The following NFATC2IP variants were observed in gnomAD, a reference collection of about 807,000 sequenced individuals.
The protein encoded by NFATC2IP is nuclear factor of activated T cells 2 interacting protein.
NFATC2IP carries 25 observed loss-of-function variants against 40.2 expected under a neutral mutation model. That is an observed-to-expected ratio of 0.62 (90% CI 0.45 to 0.87). NFATC2IP has a LOEUF of 0.87. NFATC2IP is among the 40% of genes least tolerant of loss of function. NFATC2IP has a pLI of 0.00. For synonymous variants in NFATC2IP, 241 were observed against 236.3 expected, an observed-to-expected ratio of 1.02 and a Z score of -0.18; for missense variants, 553 against 555.6, an observed-to-expected ratio of 1.00 and a Z score of 0.05.
intron 2 of NFATC2IP, among the ~76,000 whole-genome samples, chr16:28,954,230 T>A (rs553935294): frequency 2.6e-5 from 4 of 152,342 alleles, no homozygotes; most frequent in Admixed American, 2.6e-4. Context: ...TTTCTTATCA[T>A]TTTTTAATTT....
At position 28,951,375 on chromosome 16, in the gene NFATC2IP, C is replaced by T; in HGVS notation, c.364C>T (p.Leu122=). The T allele has an allele frequency of 7.1e-7, 1 of 1,403,858 alleles. No homozygotes were observed. The highest frequency in any genetic ancestry group is 1.5e-5 in the African/African-American group (1 of 65,552). 87.0% of individuals were successfully genotyped at this position (1,403,858 alleles called of 1,614,324 possible). ...RLVLDPGEAP[L]VPVYSGKVKS... is the part of the protein sequence containing the mutation. ...GGTGCTGGATCCGGGGGAGGCGCCG[C>T]TGGTTCCGGTGTACTCGGGGAAGGT... The change falls in exon 1 of 8, where the codon CTG becomes TTG. Residue 122 remains leucine, a synonymous_variant. Transcript: ENST00000320805.
At chr16:28,961,598 A>T (rs1261103274) in intron 7 of NFATC2IP, among the ~76,000 whole-genome samples, 1 of 151,866 alleles carries the variant, frequency 6.6e-6, no homozygotes, top group African/African-American at 2.4e-5. Flanking sequence ...TTTTCTTTTG[A>T]AAAAAACAAA....
Position 28,951,391 on chromosome 16 carries a change from C to T in NFATC2IP, c.380C>T (p.Ser127Leu), listed in dbSNP as rs1011738645. The change falls in exon 1 of 8, where the codon TCG (serine) becomes TTG (leucine). Residue 127 changes from serine (S) to leucine (L), a missense_variant. Transcript: ENST00000320805. ...GAGGCGCCGCTGGTTCCGGTGTACT[C>T]GGGGAAGGTGCGCCCGGTCCCGGGG... ...PGEAPLVPVY[S>L]GKVKSSLRLI... is the part of the protein sequence containing the mutation. The T allele has an allele frequency of 2.2e-6, 3 of 1,392,794 alleles. No homozygotes were observed. The highest frequency in any genetic ancestry group is 2.6e-4 in the Middle Eastern group (1 of 3,852). The allele number at this position is 1,392,794 out of a possible 1,614,324, so 86.3% of individuals were successfully genotyped here.
chr16:28,956,416 G>T, intron 5 of NFATC2IP, 79 bp downstream of exon 5: 1 of 1,073,762 alleles, frequency 9.3e-7, no homozygotes. Context: ...GGGTGTCCTG[G>T]CAGAAGGGAC....
chr16:28,959,172 A>G (rs1022799286), intron 7 of NFATC2IP, 72 bp downstream of exon 7: 2 of 920,148 alleles, frequency 2.2e-6, no homozygotes, highest in East Asian at 5.0e-5. Flanking sequence ...TTGTCAGTTA[A>G]TGGAGGATGG....
chr16:28,959,241 A>C (rs1965056640), intron 7 of NFATC2IP, 141 bp downstream of exon 7: 3 of 606,502 alleles, frequency 4.9e-6, no homozygotes, highest in Non-Finnish European at 9.0e-6. Context: ...GTTCCCAGCC[A>C]TCCTAGGTAG....
chr16:28,954,596 CCAT>C lies in NFATC2IP; in HGVS notation c.493_495del (p.His165del). The C allele has an allele frequency of 6.2e-7, 1 of 1,613,902 alleles. No individual in the cohort carries two copies. Among genetic ancestry groups the C allele is most frequent in the Non-Finnish European group, 8.5e-7 (1 of 1,179,842 alleles). ...AGCTGGCAGATTCGAGTGGTCTCTA[CCAT>C]GAGGGCTCCCCATCACCAGGCTCTC... On this transcript the variant is annotated inframe_deletion, in exon 3 of 8. Coordinates refer to ENST00000320805, the MANE Select transcript of NFATC2IP (RefSeq NM_032815.4).
In NFATC2IP at chr16:28,957,234, A is replaced by G. The variant is rs577915519; in HGVS notation, c.846+897A>G. ...TTTTTAGTGGAGGCAGGGCTTCACC[A>G]TATTGGCCAGGCTGGTCTTGAACTC... On this transcript the variant is annotated intron_variant, in intron 5 of 7. Transcript: ENST00000320805. 2.8e-3 allele frequency among the ~76,000 whole-genome samples: 416 copies of G among 149,440 alleles called. 3 individuals are homozygous for G. The highest frequency in any genetic ancestry group is 9.9e-3 in the African/African-American group (387 of 39,132).
At position 28,966,444 on chromosome 16, in the gene NFATC2IP, T is replaced by TAAAAAAAAAAAAAAAAAAAAA. The variant is rs869184973; in HGVS notation, c.*2582_*2602dup. 7 of 122,094 alleles carry TAAAAAAAAAAAAAAAAAAAAA rather than the reference T, an allele frequency of 5.7e-5. No individual in the cohort carries two copies. Among genetic ancestry groups the TAAAAAAAAAAAAAAAAAAAAA allele is most frequent in the African/African-American group, 1.9e-4 (6 of 31,482 alleles). The allele number at this position is 122,094 out of a possible 1,614,324, so 7.6% of individuals were successfully genotyped here. ...GGCAACACAGCGAGACCTTGTCTCT[T>TAAAAAAAAAAAAAAAAAAAAA]AAAAAAAAAAAAAAAAAAAAATGAG... On this transcript the variant is annotated 3_prime_UTR_variant, in exon 8 of 8. Transcript: ENST00000320805.
intron 2 of NFATC2IP, 26 bp downstream of exon 2, chr16:28,952,230 C>T (rs372401030): frequency 4.3e-6 from 7 of 1,612,710 alleles, no homozygotes; most frequent in African/African-American, 1.3e-5. Flanking sequence ...CAGGGAGAGG[C>T]ACGCAGCCGC....
Position 28,963,785 on chromosome 16 carries a change from T to C in NFATC2IP, c.1182T>C (p.Asp394=). The C allele has an allele frequency of 6.2e-7, 1 of 1,614,166 alleles. No individual in the cohort carries two copies. Among genetic ancestry groups the C allele is most frequent in the Non-Finnish European group, 8.5e-7 (1 of 1,179,974 alleles). The stretch of plus-strand genomic sequence containing the variant: ...GACGGAAGCTCTCCTTCTTCTTTGA[T>C]GGGACAAAGCTTTCAGGCAGGGAGC... ...LSGRKLSFFF[D]GTKLSGRELP... is the part of the protein sequence containing the mutation. Residue 394 remains aspartate (D), a synonymous_variant, in exon 8 of 8, where the codon GAT becomes GAC. Transcript: ENST00000320805.
chr16:28,962,135 G>A (rs1055502606), intron 7 of NFATC2IP, among the ~76,000 whole-genome samples: 6 of 152,040 alleles, frequency 3.9e-5, no homozygotes, highest in African/African-American at 1.4e-4. Context: ...CAAACTCCTG[G>A]GCTCAACTGA....
chr16:28,960,109 C>T (rs76135421), intron 7 of NFATC2IP, among the ~76,000 whole-genome samples: 2,545 of 152,164 alleles, frequency 0.017, 66 homozygotes, highest in African/African-American at 0.057. Flanking sequence ...TGTGATCACA[C>T]GGTGTTCTCC....
At position 28,966,784 on chromosome 16, in the gene NFATC2IP, G is replaced by A. The variant is rs1161550695; in HGVS notation, c.*2921G>A. The A allele has an allele frequency of 6.7e-6, 1 of 150,180 alleles. No individual in the cohort carries two copies. The highest frequency in any genetic ancestry group is 6.7e-5 in the Admixed American group (1 of 14,980). 9.3% of individuals were successfully genotyped at this position (150,180 alleles called of 1,614,324 possible). A position where few individuals can be genotyped will look rare whatever the true frequency, so the allele number is the denominator to read the frequency against. ...TCAAAAAAAAAAAAAAAAATTCAGT[G>A]AAATACACCTTTATATATGAGATCC... On this transcript the variant is annotated 3_prime_UTR_variant, in exon 8 of 8. Coordinates refer to ENST00000320805, the MANE Select transcript of NFATC2IP (RefSeq NM_032815.4).
At chr16:28,963,568 CT>C in intron 7 of NFATC2IP, 136 bp from the exon 8 acceptor site, 1 of 702,496 alleles carries the variant, frequency 1.4e-6, no homozygotes, top group East Asian at 2.7e-5. Context: ...GTCCTCTCTC[CT>C]TTCCCCGCAT....
chr16:28,959,140 C>G (rs1253979621), intron 7 of NFATC2IP, 40 bp downstream of exon 7: 1 of 1,205,538 alleles, frequency 8.3e-7, no homozygotes, highest in Non-Finnish European at 1.2e-6. Context: ...CTCACCCTGT[C>G]CTCTGCTGCC....
At chr16:28,954,311 T>C (rs1056605917) in intron 2 of NFATC2IP, among the ~76,000 whole-genome samples, 6 of 152,180 alleles carry the variant, frequency 3.9e-5, no homozygotes, top group African/African-American at 1.2e-4. Context: ...TTCTATATTA[T>C]AGAAAATAAT....
chr16:28,960,986 C>G (rs548472627), intron 7 of NFATC2IP, among the ~76,000 whole-genome samples: 3 of 152,072 alleles, frequency 2.0e-5, no homozygotes, highest in African/African-American at 7.2e-5. Flanking sequence ...TTTCTACCAG[C>G]AGTCTCTTCA....
At chr16:28,952,596 G>A (rs560523527) in intron 2 of NFATC2IP, 20 of 223,146 alleles carry the variant, frequency 9.0e-5, no homozygotes, top group East Asian at 8.2e-4. Context: ...ACTCAAGGGC[G>A]GGGAATAGGA....
Sources: allele counts gnomAD v4.1 joint callset (sites outside exome capture counted in the v4.1 genomes callset), GRCh38; gene constraint gnomAD v4.1.1; transcripts MANE v1.5; gene names NCBI Gene and HGNC (gene_info 2026-07-23, HGNC 2026-07-21).